Variants in MTUS2 observed in about 807,000 individuals in gnomAD.
The protein encoded by MTUS2 is microtubule-associated tumor suppressor candidate 2.
MTUS2 carries 40 observed loss-of-function variants against 114.1 expected under a neutral mutation model. That is an observed-to-expected ratio of 0.35 (90% CI 0.27 to 0.46). MTUS2 has a LOEUF of 0.46. Among genes scored for constraint, MTUS2 ranks in the 20% least tolerant of loss-of-function variants. MTUS2 has a pLI of 1.00. For missense variants in MTUS2, 1,679 were observed against 1,705.4 expected (o/e 0.98, Z 0.27); for synonymous variants, 688 against 672.0 (o/e 1.02, Z -0.37).
chr13:29,368,129 A>G (rs9508418), intron 8 of MTUS2, among the ~76,000 whole-genome samples: 129,581 of 151,618 alleles, frequency 0.85, 55,711 homozygotes, highest in East Asian at 0.92. Context: ...TAGTGGAGAC[A>G]GGGTTTCACC....
intron 12 of MTUS2, among the ~76,000 whole-genome samples, 156 bp from the exon 13 acceptor site, chr13:29,497,082 T>TG (rs1053909807): frequency 3.9e-5 from 6 of 152,102 alleles, no homozygotes; most frequent in Admixed American, 1.3e-4. Flanking sequence ...TGTGTGGTTG[T>TG]GGGGGCTCTC....
intron 8 of MTUS2, among the ~76,000 whole-genome samples, chr13:29,371,299 C>A (rs1250202616): frequency 6.7e-6 from 1 of 149,306 alleles, no homozygotes; most frequent in African/African-American, 2.5e-5. Context: ...CTTACTGCAA[C>A]CTCTGCTTCC....
chr13:28,908,277 G>T (rs912422520), intron 2 of MTUS2, among the ~76,000 whole-genome samples: 1 of 151,344 alleles, frequency 6.6e-6, no homozygotes, highest in Non-Finnish European at 1.5e-5. Flanking sequence ...ATCTCCAAAC[G>T]CTATCCCTTC....
chr13:28,989,292 A>G (rs1320496204), intron 2 of MTUS2, among the ~76,000 whole-genome samples: 1 of 152,230 alleles, frequency 6.6e-6, no homozygotes, highest in East Asian at 1.9e-4. Flanking sequence ...CATCTTACCC[A>G]AGACCCAACC....
intron 9 of MTUS2, among the ~76,000 whole-genome samples, chr13:29,444,615 A>T (rs563583247): frequency 1.4e-4 from 21 of 152,150 alleles, no homozygotes; most frequent in Non-Finnish European, 2.8e-4. Flanking sequence ...GAAGTTGGAG[A>T]TTCAATGAAC....
chr13:29,080,849 C>G (rs758007037), intron 4 of MTUS2, among the ~76,000 whole-genome samples: 1 of 152,112 alleles, frequency 6.6e-6, no homozygotes, highest in Non-Finnish European at 1.5e-5. Context: ...CCTCAGCCTC[C>G]CAAGTAGCTG....
At chr13:29,498,845 T>C (rs1370561345) in intron 14 of MTUS2, among the ~76,000 whole-genome samples, 1 of 152,184 alleles carries the variant, frequency 6.6e-6, no homozygotes, top group Non-Finnish European at 1.5e-5. Context: ...CCCAGCACAA[T>C]GCAGCATCCC....
intron 6 of MTUS2, among the ~76,000 whole-genome samples, chr13:29,285,242 G>A (rs956691778): frequency 3.3e-5 from 5 of 150,016 alleles, no homozygotes; most frequent in African/African-American, 1.2e-4. Flanking sequence ...AGGATGCTAG[G>A]AAATGACCTC....
intron 5 of MTUS2, among the ~76,000 whole-genome samples, chr13:29,261,058 A>G (rs1352521735): frequency 2.0e-5 from 3 of 152,178 alleles, no homozygotes; most frequent in Non-Finnish European, 2.9e-5. Context: ...CTGAACAAGA[A>G]AAAAAGGAAG....
Position 29,364,891 on chromosome 13 carries a change from G to A in MTUS2, c.3117+5418G>A, listed in dbSNP as rs193188663. 1.1e-4 allele frequency among the ~76,000 whole-genome samples: 17 copies of A among 152,250 alleles called. No homozygotes were observed. In the East Asian group the frequency reaches 1.9e-3, roughly 17 times the overall value. ...CTCCCACTTATAAACGATGCTCTGC[G>A]ATTATCTTCTCTTCCCTTAATTTTA... On this transcript the variant is annotated intron_variant, in intron 8 of 15. Coordinates refer to ENST00000612955, the MANE Select transcript of MTUS2 (RefSeq NM_001033602.4).
intron 8 of MTUS2, among the ~76,000 whole-genome samples, chr13:29,383,252 G>GTATATATATATATATATATATTTATT: frequency 7.4e-6 from 1 of 135,916 alleles, no homozygotes; most frequent in East Asian, 2.1e-4. Flanking sequence ...GTGTGTGTGT[G>GTATATATATATATATATATATTTATT]TATTTATTTT....
intron 7 of MTUS2, among the ~76,000 whole-genome samples, chr13:29,334,640 C>T (rs918732336): frequency 7.2e-5 from 11 of 152,032 alleles, no homozygotes; most frequent in Non-Finnish European, 1.3e-4. Flanking sequence ...AACATTTTTT[C>T]CTTCATTTCA....
At chr13:29,255,535 T>C (rs554944957) in intron 5 of MTUS2, among the ~76,000 whole-genome samples, 1 of 152,346 alleles carries the variant, frequency 6.6e-6, no homozygotes, top group East Asian at 1.9e-4. Context: ...TAAGTAACAC[T>C]GTAAGAAACA....
At chr13:29,361,082 G>A (rs1288829837) in intron 8 of MTUS2, among the ~76,000 whole-genome samples, 1 of 152,146 alleles carries the variant, frequency 6.6e-6, no homozygotes, top group African/African-American at 2.4e-5. Flanking sequence ...AAAATTAGGG[G>A]TCAGTTCCCT....
Position 29,025,885 on chromosome 13 carries a change from C to A in MTUS2, c.1187C>A (p.Pro396His). 6.2e-7 allele frequency: 1 copy of A among 1,613,376 alleles called. No individual in the cohort carries two copies. The highest frequency in any genetic ancestry group is 8.5e-7 in the Non-Finnish European group (1 of 1,179,574). ...GAGCAGGATTCTCTCCACACCACCC[C>A]CAAACAGGGCTCTGCTTCCTTAGGA... The part of the protein sequence containing the change: ...PGEQDSLHTT[P>H]KQGSASLGGA... Residue 396 changes from proline (P) to histidine (H), a missense_variant, in exon 3 of 16, where the codon CCC becomes CAC. Physicochemically the swap from Pro to His is moderately conservative, Grantham distance 77. This residue lies in a region of MTUS2 where 843 missense variants were observed against 770.8 expected (regional missense o/e 1.09). Transcript: ENST00000612955.
chr13:29,329,174 G>T (rs535472797), intron 7 of MTUS2, among the ~76,000 whole-genome samples: 1 of 152,104 alleles, frequency 6.6e-6, no homozygotes, highest in African/African-American at 2.4e-5. Context: ...GATACATGTA[G>T]AGGATGTGCA....
intron 2 of MTUS2, among the ~76,000 whole-genome samples, chr13:29,017,356 A>G (rs1189806876): frequency 2.0e-5 from 3 of 152,230 alleles, no homozygotes; most frequent in Non-Finnish European, 4.4e-5. Context: ...TTATGAAGTC[A>G]GATGAACTTG....
intron 2 of MTUS2, among the ~76,000 whole-genome samples, chr13:28,928,122 A>G (rs528381545): frequency 6.6e-6 from 1 of 152,154 alleles, no homozygotes; most frequent in Admixed American, 6.5e-5. Context: ...AAAGACTTAA[A>G]TCTAAGACCT....
intron 5 of MTUS2, among the ~76,000 whole-genome samples, chr13:29,224,786 T>TCC (rs60971455): frequency 1.3e-5 from 2 of 151,858 alleles, no homozygotes; most frequent in South Asian, 2.1e-4. Context: ...TTTCTCTTTT[T>TCC]CCCACAATAT....
Sources: allele counts gnomAD v4.1 joint callset (sites outside exome capture counted in the v4.1 genomes callset), GRCh38; gene constraint gnomAD v4.1.1; regional missense constraint gnomAD v4.1.1; transcripts MANE v1.5; gene names NCBI Gene and HGNC (gene_info 2026-07-23, HGNC 2026-07-21).